Variants in METTL15 observed in about 807,000 individuals in gnomAD.
The protein encoded by METTL15 is 12S rRNA N(4)-cytidine methyltransferase METTL15.
Under a neutral mutation model 38.3 loss-of-function variants are expected in METTL15, and 34 were observed. That is an observed-to-expected ratio of 0.89 (90% CI 0.68 to 1.18). METTL15 has a LOEUF of 1.18. Among genes scored for constraint, METTL15 ranks in the 50% most tolerant of loss-of-function variants. METTL15 has a pLI of 0.00. For missense variants in METTL15, 438 were observed against 498.4 expected (o/e 0.88, Z 1.15); for synonymous variants, 162 against 170.9 (o/e 0.95, Z 0.41).
chr11:28,525,051 C>T (rs1286795340), intron 6 of METTL15, among the ~76,000 whole-genome samples: 2 of 152,042 alleles, frequency 1.3e-5, no homozygotes, highest in Non-Finnish European at 2.9e-5. Context: ...CTCGTTCCTC[C>T]TGGTGGGTTC....
intron 6 of METTL15, among the ~76,000 whole-genome samples, chr11:28,495,472 G>A (rs976528352): frequency 1.3e-5 from 2 of 152,154 alleles, no homozygotes; most frequent in Non-Finnish European, 1.5e-5. Flanking sequence ...GCTTGTAAGG[G>A]GGGTGTCCAC....
At chr11:28,288,695 G>T (rs768135746) in intron 4 of METTL15, among the ~76,000 whole-genome samples, 3 of 151,962 alleles carry the variant, frequency 2.0e-5, no homozygotes, top group Admixed American at 2.0e-4. Context: ...AGAGGATCAG[G>T]AAAAATAACT....
At chr11:28,338,360 G>C (rs898632922), downstream of METTL15, among the ~76,000 whole-genome samples, 2 of 151,878 alleles carry the variant, frequency 1.3e-5, no homozygotes, top group Non-Finnish European at 2.9e-5. Flanking sequence ...TCTCTTAATA[G>C]TTAATGTTGG....
chr11:28,307,193 T>A (rs1857112409), intron 6 of METTL15, among the ~76,000 whole-genome samples: 1 of 151,906 alleles, frequency 6.6e-6, no homozygotes, highest in African/African-American at 2.4e-5. Flanking sequence ...TGTGATAGCA[T>A]ATAACACACA....
intron 3 of METTL15, among the ~76,000 whole-genome samples, chr11:28,347,999 G>C (rs1224336933): frequency 1.3e-5 from 2 of 152,066 alleles, no homozygotes; most frequent in Non-Finnish European, 2.9e-5. Flanking sequence ...ATGAAGTTTT[G>C]GTCTGACTGT....
chr11:28,186,836 G>A (rs1012009860), intron 3 of METTL15, among the ~76,000 whole-genome samples: 4 of 150,940 alleles, frequency 2.7e-5, no homozygotes, highest in Non-Finnish European at 4.5e-5. Flanking sequence ...TCTGTTAATA[G>A]CAAGAGGATT....
At chr11:28,197,400 T>C (rs761338400) in intron 3 of METTL15, 5 of 291,278 alleles carry the variant, frequency 1.7e-5, no homozygotes, top group African/African-American at 6.6e-5. Context: ...TTAAAATCCG[T>C]TTTATAATAT....
intron 6 of METTL15, among the ~76,000 whole-genome samples, chr11:28,434,664 C>T (rs1428622114): frequency 6.6e-6 from 1 of 152,210 alleles, no homozygotes; most frequent in Non-Finnish European, 1.5e-5. Context: ...TGTATCAGTT[C>T]ACACTTGCTG....
At chr11:28,423,377 A>G (rs1003092327) in intron 5 of METTL15, among the ~76,000 whole-genome samples, 18 of 152,106 alleles carry the variant, frequency 1.2e-4, no homozygotes, top group Admixed American at 1.1e-3. Context: ...AAATCAATGT[A>G]TTGAATGAAG....
At chr11:28,122,532 G>T (rs1353441337) in intron 3 of METTL15, among the ~76,000 whole-genome samples, 1 of 151,056 alleles carries the variant, frequency 6.6e-6, no homozygotes, top group Non-Finnish European at 1.5e-5. Flanking sequence ...ATAATGACGG[G>T]TTAACATTTA....
In METTL15 at chr11:28,433,819, T is replaced by C. The variant is rs764918733; in HGVS notation, c.*424+9455T>C. ...CAACTAGACTCTACAACTAGTTGAG[T>C]TGTCCTTGATACGTCTTATAGATCA... On this transcript the variant is annotated intron_variant and NMD_transcript_variant, in intron 6 of 7. Coordinates refer to the METTL15 transcript ENST00000532947. Among the ~76,000 whole-genome samples, 7 of 152,248 alleles carry C rather than the reference T, an allele frequency of 4.6e-5. No individual in the cohort carries two copies. In the South Asian group the frequency reaches 1.2e-3, roughly 27 times the overall value.
chr11:28,197,538 A>G, intron 3 of METTL15: 1 of 442,370 alleles, frequency 2.3e-6, no homozygotes, highest in South Asian at 1.7e-5. Flanking sequence ...GAGGAAACTG[A>G]GGCTCAGAGA....
Position 28,235,552 on chromosome 11 carries a change from T to C in METTL15, c.407+24354T>C, listed in dbSNP as rs541457092. ...TTGTAAGTTGGATTCCTAAGTATTT[T>C]ATTCTCTTTGAAGCAATTGTGATTG... On this transcript the variant is annotated intron_variant, in intron 4 of 6. Transcript: ENST00000407364. Among the ~76,000 whole-genome samples, 219 of 152,322 alleles carry C rather than the reference T, an allele frequency of 1.4e-3. 1 individual carries two copies. The highest frequency in any genetic ancestry group is 6.8e-3 in the Middle Eastern group (2 of 294).
intron 6 of METTL15, among the ~76,000 whole-genome samples, chr11:28,490,399 T>A (rs1851484897): frequency 6.6e-6 from 1 of 152,114 alleles, no homozygotes; most frequent in South Asian, 2.1e-4. Flanking sequence ...AATAATGCTC[T>A]CAGACTGGAT....
chr11:28,121,031 AT>A (rs1269122326), intron 3 of METTL15, among the ~76,000 whole-genome samples: 4 of 152,160 alleles, frequency 2.6e-5, no homozygotes, highest in Non-Finnish European at 5.9e-5. Flanking sequence ...TGCTCTGAAC[AT>A]TCCAATTATA....
downstream of METTL15, among the ~76,000 whole-genome samples, chr11:28,527,968 G>A (rs1851823209): frequency 6.6e-6 from 1 of 152,106 alleles, no homozygotes. Flanking sequence ...TAAAAATTCT[G>A]ACTCTCAAAG....
intron 3 of METTL15, among the ~76,000 whole-genome samples, chr11:28,189,880 A>T (rs879418542): frequency 6.6e-6 from 1 of 151,278 alleles, no homozygotes; most frequent in African/African-American, 2.4e-5. Context: ...TTTCATTGTG[A>T]TAGTACTTAG....
At chr11:28,377,632 A>G (rs566322792) in intron 5 of METTL15, among the ~76,000 whole-genome samples, 3 of 151,960 alleles carry the variant, frequency 2.0e-5, no homozygotes, top group Admixed American at 2.0e-4. Flanking sequence ...GAGTAATTTG[A>G]TCGTCTGAAG....
chr11:28,511,722 T>G (rs572385151), intron 6 of METTL15, among the ~76,000 whole-genome samples: 1 of 152,036 alleles, frequency 6.6e-6, no homozygotes, highest in African/African-American at 2.4e-5. Context: ...TTGCGGTGAG[T>G]GTTACAGCTC....
Sources: allele counts gnomAD v4.1 joint callset (sites outside exome capture counted in the v4.1 genomes callset), GRCh38; gene constraint gnomAD v4.1.1; transcripts MANE v1.5; gene names NCBI Gene and HGNC (gene_info 2026-07-23, HGNC 2026-07-21).